The following SLC39A10 variants were observed in gnomAD, a reference collection of about 807,000 sequenced individuals.
The protein encoded by SLC39A10 is zinc transporter ZIP10.
Under a neutral mutation model 65.1 loss-of-function variants are expected in SLC39A10, and 13 were observed. That is an observed-to-expected ratio of 0.20 (90% CI 0.13 to 0.32). The LOEUF is 0.32. Among genes scored for constraint, SLC39A10 ranks in the 10% least tolerant of loss-of-function variants. The pLI is 1.00. For missense variants in SLC39A10, 831 were observed against 1,018.4 expected, an observed-to-expected ratio of 0.82 and a Z score of 2.50; for synonymous variants, 321 against 342.2, an observed-to-expected ratio of 0.94 and a Z score of 0.68.
chr2:195,718,578 G>T (rs1007493820), intron 8 of SLC39A10, among the ~76,000 whole-genome samples: 1 of 152,046 alleles, frequency 6.6e-6, no homozygotes, highest in African/African-American at 2.4e-5. Flanking sequence ...TTATAATGAA[G>T]ATTATAGATT....
intron 2 of SLC39A10, among the ~76,000 whole-genome samples, chr2:195,625,222 A>AAAAGAAAGAAAG (rs376327259): frequency 2.2e-4 from 25 of 112,184 alleles, no homozygotes; most frequent in African/African-American, 7.1e-4. Context: ...GTCTCAAAAA[A>AAAAGAAAGAAAG]AAAGAAAGAA....
chr2:195,697,586 C>G (rs1003165909), intron 3 of SLC39A10, among the ~76,000 whole-genome samples: 24 of 152,172 alleles, frequency 1.6e-4, no homozygotes, highest in Admixed American at 1.5e-3. Context: ...CCCTCCCCAC[C>G]TTCACCATGG....
chr2:195,710,876 A>T (rs1691581132), intron 5 of SLC39A10, among the ~76,000 whole-genome samples: 2 of 152,154 alleles, frequency 1.3e-5, no homozygotes, highest in Non-Finnish European at 2.9e-5. Flanking sequence ...TAGAGAATAA[A>T]ATATGGTGGG....
chr2:195,676,967 G>C (rs1559028625), intron 1 of SLC39A10, among the ~76,000 whole-genome samples: 1 of 147,446 alleles, frequency 6.8e-6, no homozygotes, highest in Admixed American at 6.8e-5. Context: ...ATCTTAATAA[G>C]TTTTTCCTTT....
intron 3 of SLC39A10, among the ~76,000 whole-genome samples, chr2:195,694,060 A>G (rs1690846919): frequency 6.6e-6 from 1 of 152,196 alleles, no homozygotes; most frequent in Non-Finnish European, 1.5e-5. Context: ...TGTTGACACA[A>G]TGACCATTCA....
At chr2:195,634,309 C>T (rs1391537095) in intron 2 of SLC39A10, among the ~76,000 whole-genome samples, 1 of 152,198 alleles carries the variant, frequency 6.6e-6, no homozygotes, top group African/African-American at 2.4e-5. Context: ...ATCCTGATTA[C>T]TATATAACAG....
At chr2:195,682,231 G>A (rs1305135001) in intron 2 of SLC39A10, among the ~76,000 whole-genome samples, 2 of 152,024 alleles carry the variant, frequency 1.3e-5, no homozygotes, top group Non-Finnish European at 2.9e-5. Context: ...TGAGTTTGTT[G>A]TTCATATGTA....
At chr2:195,691,001 C>G (rs1045482400) in intron 3 of SLC39A10, among the ~76,000 whole-genome samples, 2 of 152,050 alleles carry the variant, frequency 1.3e-5, no homozygotes, top group African/African-American at 4.8e-5. Context: ...TCCCTTACCC[C>G]CCTCCCACCC....
At chr2:195,721,466 T>A (rs182505766) in intron 8 of SLC39A10, among the ~76,000 whole-genome samples, 1 of 152,278 alleles carries the variant, frequency 6.6e-6, no homozygotes, top group Admixed American at 6.5e-5. Context: ...TTTATTACTG[T>A]CTTTTACCTC....
chr2:195,691,001 C>A (rs1045482400), intron 3 of SLC39A10, among the ~76,000 whole-genome samples: 4 of 152,050 alleles, frequency 2.6e-5, no homozygotes, highest in Non-Finnish European at 4.4e-5. Flanking sequence ...TCCCTTACCC[C>A]CCTCCCACCC....
At chr2:195,614,133 G>C (rs1688157197) in intron 2 of SLC39A10, among the ~76,000 whole-genome samples, 1 of 152,144 alleles carries the variant, frequency 6.6e-6, no homozygotes, top group Non-Finnish European at 1.5e-5. Flanking sequence ...TTTCCAGAAG[G>C]CTGGCTGGCT....
intron 1 of SLC39A10, chr2:195,657,640 G>A (rs1689205744): frequency 1.0e-6 from 1 of 985,112 alleles, no homozygotes; most frequent in African/African-American, 1.7e-5. Flanking sequence ...CGCGCCCGGG[G>A]TGGGGGAGTG....
intron 3 of SLC39A10, among the ~76,000 whole-genome samples, chr2:195,704,647 A>G (rs1021885802): frequency 6.6e-5 from 10 of 152,166 alleles, no homozygotes; most frequent in African/African-American, 2.4e-4. Context: ...GGTGATCATC[A>G]TTAAGTTAGC....
chr2:195,716,441 T>C (rs566995536), intron 6 of SLC39A10, among the ~76,000 whole-genome samples, 196 bp from the exon 7 acceptor site: 7 of 152,224 alleles, frequency 4.6e-5, no homozygotes, highest in Non-Finnish European at 1.0e-4. Flanking sequence ...TGTTTTGTTT[T>C]GTTTTGCTTA....
intron 9 of SLC39A10, among the ~76,000 whole-genome samples, chr2:195,729,793 T>C (rs184268305): frequency 6.6e-6 from 1 of 151,978 alleles, no homozygotes; most frequent in African/African-American, 2.4e-5. Context: ...ATATTTTGGT[T>C]GGTTTTGTTT....
At chr2:195,719,693 C>A (rs908715029) in intron 8 of SLC39A10, among the ~76,000 whole-genome samples, 2 of 151,604 alleles carry the variant, frequency 1.3e-5, no homozygotes, top group African/African-American at 4.8e-5. Context: ...TCTTGACTCA[C>A]TTCAGCCTCT....
At chr2:195,634,156 C>T (rs969006855) in intron 2 of SLC39A10, among the ~76,000 whole-genome samples, 1 of 152,254 alleles carries the variant, frequency 6.6e-6, no homozygotes, top group Non-Finnish European at 1.5e-5. Flanking sequence ...CTAAAGACCA[C>T]ATCCCCAGCT....
chr2:195,647,322 A>G (rs377561609), intron 2 of SLC39A10, among the ~76,000 whole-genome samples: 6 of 152,100 alleles, frequency 3.9e-5, no homozygotes, highest in African/African-American at 1.2e-4. Context: ...AAATTCTTCA[A>G]TGGCCCTTGT....
At chr2:195,721,326 A>C (rs1692030836) in intron 8 of SLC39A10, among the ~76,000 whole-genome samples, 1 of 152,076 alleles carries the variant, frequency 6.6e-6, no homozygotes, top group Non-Finnish European at 1.5e-5. Flanking sequence ...CATGTTTTTC[A>C]TTTCAACTAA....
Sources: allele counts gnomAD v4.1 joint callset (sites outside exome capture counted in the v4.1 genomes callset), GRCh38; gene constraint gnomAD v4.1.1; transcripts MANE v1.5; gene names NCBI Gene and HGNC (gene_info 2026-07-23, HGNC 2026-07-21).